The following OR2C1 variants were observed in gnomAD, a reference collection of about 807,000 sequenced individuals.
The protein encoded by OR2C1 is olfactory receptor family 2 subfamily C member 1, also known as olfactory receptor 2C1.
For synonymous variants in OR2C1, 209 were observed against 167.3 expected (o/e 1.25, Z -1.92); for missense variants, 468 against 388.3 (o/e 1.21, Z -1.73).
chr16:3,349,511 G>C, the OR2C1 span, among the ~76,000 whole-genome samples: 1 of 152,156 alleles, frequency 6.6e-6, no homozygotes. Context: ...CTCCCTCTCG[G>C]TCCCATGCCT....
At chr16:3,335,795 ATTAG>A in the OR2C1 span, among the ~76,000 whole-genome samples, 1 of 152,162 alleles carries the variant, frequency 6.6e-6, no homozygotes, top group Non-Finnish European at 1.5e-5. Context: ...GAACTTGCTT[ATTAG>A]TTCTAAAAAT....
chr16:3,356,651 G>C lies in OR2C1; in HGVS notation c.711G>C (p.Ala237=). ...GCTCTGCAGAGGGGAGGCGAAAGGCGTTCAATACGTGCCTCTCCCATCTGC... is the reference window on the plus strand; with the variant it reads ...GCTCTGCAGAGGGGAGGCGAAAGGCCTTCAATACGTGCCTCTCCCATCTGC... ...KIRSAEGRRK[A]FNTCLSHLLV... Residue 237 remains alanine, a synonymous_variant, in exon 1 of 1, where the codon GCG becomes GCC. Coordinates refer to ENST00000304936, the MANE Select transcript of OR2C1 (RefSeq NM_012368.3). The C allele has an allele frequency of 6.2e-7, 1 of 1,614,140 alleles. No individual in the cohort carries two copies. The highest frequency in any genetic ancestry group is 8.5e-7 in the Non-Finnish European group (1 of 1,180,034).
chr16:3,346,492 A>G, the OR2C1 span, among the ~76,000 whole-genome samples: 1 of 152,182 alleles, frequency 6.6e-6, no homozygotes, highest in African/African-American at 2.4e-5. Flanking sequence ...GTGTTCCAGC[A>G]ACCTCAACTG....
In OR2C1 at chr16:3,356,792, G is replaced by C; in HGVS notation, c.852G>C (p.Met284Ile). ...TGTTCTACTCGTTGGTCACACCCAT[G>C]GTGAATCCCCTCATCTACACGCTGC... Reference protein sequence around the residue: ...ISLFYSLVTPMVNPLIYTLRN... With the variant: ...ISLFYSLVTPIVNPLIYTLRN... Residue 284 changes from methionine (M) to isoleucine (I), a missense_variant, in exon 1 of 1, where the codon ATG becomes ATC. Physicochemically the swap from Met to Ile is conservative, Grantham distance 10 (BLOSUM62 1). Coordinates refer to ENST00000304936, the MANE Select transcript of OR2C1 (RefSeq NM_012368.3). The C allele has an allele frequency of 6.2e-7, 1 of 1,613,964 alleles. No individual in the cohort carries two copies. Among genetic ancestry groups the C allele is most frequent in the Middle Eastern group, 1.7e-4 (1 of 6,060 alleles).
chr16:3,323,572 A>C, the OR2C1 span: 1 of 752,120 alleles, frequency 1.3e-6, no homozygotes, highest in Non-Finnish European at 2.4e-6. Flanking sequence ...TTACAAAGAC[A>C]CCACTAAAAA....
At chr16:3,350,454 CA>C in the OR2C1 span, among the ~76,000 whole-genome samples, 1 of 151,482 alleles carries the variant, frequency 6.6e-6, no homozygotes, top group Non-Finnish European at 1.5e-5. Context: ...CTCTGTCGCC[CA>C]GGCTGGAGTG....
chr16:3,323,160 A>G, the OR2C1 span: 1 of 595,664 alleles, frequency 1.7e-6, no homozygotes, highest in Non-Finnish European at 2.9e-6. Context: ...CATTGATAAA[A>G]ATTTACTGCA....
At chr16:3,324,668 G>T in the OR2C1 span, among the ~76,000 whole-genome samples, 5 of 152,088 alleles carry the variant, frequency 3.3e-5, no homozygotes, top group Non-Finnish European at 7.4e-5. Flanking sequence ...GCCCAGGCTG[G>T]CCTCGAACTC....
rs778772467 is a variant in OR2C1, at chr16:3,356,760, A to C, written c.820A>C (p.Ile274Leu). The C allele has an allele frequency of 8.7e-6, 14 of 1,614,008 alleles. No homozygotes were observed. The highest frequency in any genetic ancestry group is 8.5e-6 in the Non-Finnish European group (10 of 1,179,994). The change falls in exon 1 of 1, where the codon ATT becomes CTT. Residue 274 changes from isoleucine to leucine, a missense_variant. By Grantham distance (5) the Ile-to-Leu change is conservative. Transcript: ENST00000304936. Reference protein sequence around the residue: ...KNSKQDQGKFISLFYSLVTPM... With the variant: ...KNSKQDQGKFLSLFYSLVTPM... ...CAGCAAACAGGACCAGGGCAAGTTC[A>C]TTTCCCTGTTCTACTCGTTGGTCAC...
chr16:3,333,211 A>ATTT, the OR2C1 span, among the ~76,000 whole-genome samples: 2 of 65,856 alleles, frequency 3.0e-5, no homozygotes, highest in African/African-American at 6.2e-5. Context: ...TCTTTTGCCC[A>ATTT]TTTTTTTTTT....
chr16:3,338,231 G>A, the OR2C1 span, among the ~76,000 whole-genome samples: 6 of 152,174 alleles, frequency 3.9e-5, no homozygotes, highest in Non-Finnish European at 7.3e-5. Context: ...TCAGGGTTGG[G>A]AATGGTAGTT....
At chr16:3,326,856 T>C in the OR2C1 span, among the ~76,000 whole-genome samples, 1 of 152,150 alleles carries the variant, frequency 6.6e-6, no homozygotes, top group Non-Finnish European at 1.5e-5. Flanking sequence ...ATCAGCATCA[T>C]AGAAAGCAGA....
the OR2C1 span, among the ~76,000 whole-genome samples, chr16:3,338,901 T>G: frequency 6.6e-6 from 1 of 152,196 alleles, no homozygotes; most frequent in Non-Finnish European, 1.5e-5. Context: ...GTGAAGAATT[T>G]AATGACATTT....
chr16:3,332,550 G>A, the OR2C1 span, among the ~76,000 whole-genome samples: 1 of 151,802 alleles, frequency 6.6e-6, no homozygotes, highest in Non-Finnish European at 1.5e-5. Flanking sequence ...ACCTTCTCAG[G>A]CTTCATGAGA....
upstream of OR2C1, among the ~76,000 whole-genome samples, chr16:3,354,197 C>A (rs2030623363): frequency 6.6e-6 from 1 of 152,056 alleles, no homozygotes; most frequent in African/African-American, 2.4e-5. Flanking sequence ...GTTGGCCAGG[C>A]TGATCTCAAA....
At chr16:3,340,659 G>A in the OR2C1 span, among the ~76,000 whole-genome samples, 3 of 152,106 alleles carry the variant, frequency 2.0e-5, no homozygotes, top group Admixed American at 1.3e-4. Context: ...TCTTTTGCAT[G>A]TGGTTATACA....
chr16:3,338,537 C>T, the OR2C1 span, among the ~76,000 whole-genome samples: 7 of 28,256 alleles, frequency 2.5e-4, no homozygotes, highest in African/African-American at 9.4e-4. Context: ...AGTATAGGTA[C>T]CTTTTTTTTT....
chr16:3,341,681 A>G, the OR2C1 span, among the ~76,000 whole-genome samples: 1 of 152,230 alleles, frequency 6.6e-6, no homozygotes. Flanking sequence ...AGAGGTATAT[A>G]GGGTAAGGTC....
At chr16:3,338,285 C>T in the OR2C1 span, among the ~76,000 whole-genome samples, 693 of 152,266 alleles carry the variant, frequency 4.6e-3, 3 homozygotes, top group Non-Finnish European at 7.7e-3. Context: ...GGATATTTCT[C>T]CCTTAAGGCA....
Sources: gnomAD v4.1 joint callset for allele counts (sites outside exome capture counted in the v4.1 genomes callset) on GRCh38, gnomAD v4.1.1 for gene constraint, MANE v1.5 for transcripts, NCBI Gene and HGNC (gene_info 2026-07-23, HGNC 2026-07-21) for gene names.